Variants in SEMA5A observed in about 807,000 individuals in gnomAD.
SEMA5A encodes semaphorin 5A.
SEMA5A carries 55 observed loss-of-function variants against 135.5 expected under a neutral mutation model. The observed-to-expected ratio is 0.41, with a 90% CI of 0.33 to 0.51. The LOEUF is 0.51. SEMA5A is among the 20% of genes least tolerant of loss of function. SEMA5A has a pLI of 0.37. For missense variants in SEMA5A, 1,290 were observed against 1,419.9 expected, an observed-to-expected ratio of 0.91 and a Z score of 1.47; for synonymous variants, 580 against 546.5, an observed-to-expected ratio of 1.06 and a Z score of -0.85.
intron 11 of SEMA5A, among the ~76,000 whole-genome samples, chr5:9,180,207 A>C (rs1452306836): frequency 6.6e-6 from 1 of 152,210 alleles, no homozygotes; most frequent in Non-Finnish European, 1.5e-5. Flanking sequence ...TCATGCTCAA[A>C]GGCCCTATTT....
At chr5:9,386,160 T>G (rs1228615466) in intron 2 of SEMA5A, among the ~76,000 whole-genome samples, 1 of 152,158 alleles carries the variant, frequency 6.6e-6, no homozygotes, top group East Asian at 1.9e-4. Context: ...AGCCCTGTTT[T>G]AAGGGATCAG....
At chr5:9,084,267 T>C (rs1163305196) in intron 16 of SEMA5A, among the ~76,000 whole-genome samples, 1 of 152,190 alleles carries the variant, frequency 6.6e-6, no homozygotes, top group Admixed American at 6.5e-5. Flanking sequence ...ATGGTGGCCT[T>C]CCCAGAACAT....
chr5:9,100,361 C>T (rs931291794), intron 16 of SEMA5A, among the ~76,000 whole-genome samples: 2 of 152,172 alleles, frequency 1.3e-5, no homozygotes, highest in Non-Finnish European at 2.9e-5. Context: ...GACACATCCA[C>T]CTGGGGCACA....
chr5:9,162,748 C>T (rs549140117), intron 11 of SEMA5A, among the ~76,000 whole-genome samples: 3 of 151,456 alleles, frequency 2.0e-5, no homozygotes, highest in South Asian at 4.2e-4. Flanking sequence ...CCAAGTTAAC[C>T]TTTCAAACAG....
intron 10 of SEMA5A, 27 bp from the exon 11 acceptor site, chr5:9,190,498 C>G (rs776731040): frequency 1.2e-6 from 2 of 1,607,964 alleles, no homozygotes; most frequent in South Asian, 1.1e-5. Flanking sequence ...GCCAGGTTAC[C>G]AGAGCCGGCA....
chr5:9,293,346 C>T (rs1164260870), intron 5 of SEMA5A, among the ~76,000 whole-genome samples: 1 of 152,174 alleles, frequency 6.6e-6, no homozygotes, highest in Non-Finnish European at 1.5e-5. Context: ...AAATGTCTTC[C>T]TTGAGTGTCT....
chr5:9,088,659 T>TATATATATATATATATATACACAC lies in SEMA5A; in HGVS notation c.2073+19480_2073+19481insGTGTGTATATATATATATATATAT. On this transcript the variant is annotated intron_variant, in intron 16 of 22. Coordinates refer to ENST00000382496, the MANE Select transcript of SEMA5A (RefSeq NM_003966.3). Reference sequence around the variant, plus strand: ...TATAATATATATATATATATATATATACACACACACACTCATGGAATTCCA... The same window carrying TATATATATATATATATATACACAC: ...TATAATATATATATATATATATATATATATATATATATATATATACACACACACACACACACTCATGGAATTCCA... 6.9e-3 allele frequency among the ~76,000 whole-genome samples: 774 copies of TATATATATATATATATATACACAC among 112,510 alleles called. 9 individuals carry two copies. Among genetic ancestry groups the TATATATATATATATATATACACAC allele is most frequent in the Non-Finnish European group, 0.011 (615 of 56,990 alleles). 73.8% of individuals were successfully genotyped at this position (112,510 alleles called of 152,430 possible). A position where few individuals can be genotyped will look rare whatever the true frequency, so the allele number is the denominator to read the frequency against.
At chr5:9,439,988 C>G (rs1232897197) in intron 1 of SEMA5A, among the ~76,000 whole-genome samples, 2 of 152,258 alleles carry the variant, frequency 1.3e-5, no homozygotes, top group Non-Finnish European at 2.9e-5. Flanking sequence ...GATATTTTAA[C>G]AGCCTGGGGG....
chr5:9,063,185 C>A, intron 17 of SEMA5A, 80 bp from the exon 18 acceptor site: 2 of 1,335,288 alleles, frequency 1.5e-6, no homozygotes, highest in Non-Finnish European at 2.1e-6. Context: ...CATTCTGTAT[C>A]TGCTGTCTGC....
intron 6 of SEMA5A, among the ~76,000 whole-genome samples, chr5:9,229,984 G>T (rs1747531639): frequency 6.6e-6 from 1 of 151,826 alleles, no homozygotes; most frequent in South Asian, 2.1e-4. Flanking sequence ...GCTTTCTTTT[G>T]TTTTTGTTTT....
chr5:9,513,920 C>T (rs574199078), intron 1 of SEMA5A, among the ~76,000 whole-genome samples: 2 of 152,250 alleles, frequency 1.3e-5, no homozygotes, highest in East Asian at 3.9e-4. Flanking sequence ...TAACAAATTC[C>T]CATAAACTTA....
intron 3 of SEMA5A, among the ~76,000 whole-genome samples, chr5:9,342,076 C>G (rs1351243609): frequency 8.2e-6 from 1 of 121,326 alleles, no homozygotes; most frequent in Non-Finnish European, 1.8e-5. Context: ...GTTAATGTCC[C>G]TTCCAAAAAA....
intron 2 of SEMA5A, among the ~76,000 whole-genome samples, chr5:9,432,214 C>G (rs1436703019): frequency 6.6e-6 from 1 of 152,176 alleles, no homozygotes; most frequent in Non-Finnish European, 1.5e-5. Context: ...GATTTTCCAT[C>G]AGGCTGAGTA....
At position 9,247,767 on chromosome 5, in the gene SEMA5A, CA is replaced by C. The variant is rs1320341253; in HGVS notation, c.271-9878del. On this transcript the variant is annotated intron_variant, in intron 5 of 22. Transcript: ENST00000382496. ...TTCCATAAGCTTTTGTTTTCAGCTA[CA>C]AAAAAATGAACACGAAAATTTGTTT... Among the ~76,000 whole-genome samples the C allele has an allele frequency of 2.0e-5, 3 of 152,012 alleles. No individual in the cohort carries two copies. In the East Asian group the frequency reaches 5.8e-4, roughly 29 times the overall value.
At chr5:9,335,145 C>T (rs1753326784) in intron 4 of SEMA5A, among the ~76,000 whole-genome samples, 2 of 152,036 alleles carry the variant, frequency 1.3e-5, no homozygotes, top group Non-Finnish European at 2.9e-5. Context: ...GGGGTGGAAG[C>T]TCCAGGGAAA....
chr5:9,194,073 C>G (rs901786158), intron 10 of SEMA5A, among the ~76,000 whole-genome samples: 1 of 151,758 alleles, frequency 6.6e-6, no homozygotes, highest in African/African-American at 2.4e-5. Context: ...CAAAGCTGCA[C>G]AGAAAATTCT....
intron 5 of SEMA5A, among the ~76,000 whole-genome samples, chr5:9,297,612 T>TG (rs1292320298): frequency 2.0e-5 from 3 of 152,088 alleles, no homozygotes; most frequent in African/African-American, 7.2e-5. Context: ...TGGAGTGTAG[T>TG]GGCATGATCT....
At chr5:9,068,164 T>C (rs1737577920) in intron 16 of SEMA5A, among the ~76,000 whole-genome samples, 1 of 152,216 alleles carries the variant, frequency 6.6e-6, no homozygotes. Context: ...GATCTCTATC[T>C]TTCTTGTTAG....
rs191920545 is a variant in SEMA5A at position 9,335,256 on chromosome 5, C to T, written c.224+2457G>A. ...GGGATACTGAGAGAGAGAGAGACAC[C>T]CCACTGACACTGGAATAGAGAACTC... On this transcript the variant is annotated intron_variant, in intron 4 of 22. Transcript: ENST00000382496. 2.2e-3 allele frequency among the ~76,000 whole-genome samples: 336 copies of T among 152,144 alleles called. 1 individual carries two copies. Among genetic ancestry groups the T allele is most frequent in the South Asian group, 4.0e-3 (19 of 4,810 alleles).
Sources: gnomAD v4.1 joint callset for allele counts (sites outside exome capture counted in the v4.1 genomes callset) on GRCh38, gnomAD v4.1.1 for gene constraint, MANE v1.5 for transcripts, NCBI Gene and HGNC (gene_info 2026-07-23, HGNC 2026-07-21) for gene names.